Variants in SNX30 observed in about 807,000 individuals in gnomAD.
SNX30 encodes the protein sorting nexin family member 30, also known as sorting nexin-30.
SNX30 carries 24 observed loss-of-function variants against 46.4 expected under a neutral mutation model. The observed-to-expected ratio is 0.52, with a 90% CI of 0.37 to 0.73. The LOEUF is 0.73. Ranked by LOEUF, SNX30 falls within the 30% of genes least tolerant of loss-of-function variation. The pLI, the probability that SNX30 is intolerant of heterozygous loss-of-function variation, is 0.00. For missense variants in SNX30, 533 were observed against 555.7 expected (o/e 0.96, Z 0.41); for synonymous variants, 189 against 211.5 (o/e 0.89, Z 0.92).
intron 4 of SNX30, among the ~76,000 whole-genome samples, chr9:112,834,837 C>CACAA (rs1385086878): frequency 1.0e-5 from 1 of 99,888 alleles, no homozygotes; most frequent in Non-Finnish European, 2.0e-5. Context: ...AACACACACA[C>CACAA]ACACAAACAC....
At chr9:112,849,214 C>T (rs1037256746) in intron 6 of SNX30, among the ~76,000 whole-genome samples, 7 of 152,222 alleles carry the variant, frequency 4.6e-5, no homozygotes, top group African/African-American at 1.7e-4. Flanking sequence ...ACTGCTGTAT[C>T]AGACCAATAG....
chr9:112,826,433 T>C (rs1840580437), intron 3 of SNX30, among the ~76,000 whole-genome samples: 2 of 152,086 alleles, frequency 1.3e-5, no homozygotes, highest in Non-Finnish European at 2.9e-5. Flanking sequence ...AGATATAAGG[T>C]CAAGGGGTGG....
At position 112,832,789 on chromosome 9, in the gene SNX30, A is replaced by T. The variant is rs188941441; in HGVS notation, c.618+1906A>T. ...CTTAAAGTATAATAATAAAAAATTT[A>T]AAAAAAATTAGAAAAAATATATATT... On this transcript the variant is annotated intron_variant, in intron 4 of 8. Coordinates refer to ENST00000374232, the MANE Select transcript of SNX30 (RefSeq NM_001012994.2). Among the ~76,000 whole-genome samples, 909 of 147,216 alleles carry T rather than the reference A, an allele frequency of 6.2e-3. 9 individuals carry two copies. The highest frequency in any genetic ancestry group is 0.021 in the African/African-American group (853 of 40,570).
At chr9:112,859,658 C>G (rs1841196974) in intron 7 of SNX30, among the ~76,000 whole-genome samples, 2 of 152,146 alleles carry the variant, frequency 1.3e-5, no homozygotes. Context: ...GTCGCCCAGG[C>G]TAGAGTGCAG....
rs144851542 is a variant in SNX30, at chr9:112,755,165, G to A, written c.156+4008G>A. Among the ~76,000 whole-genome samples, 177 of 152,316 alleles carry A rather than the reference G, an allele frequency of 1.2e-3. 1 individual carries two copies. The highest frequency in any genetic ancestry group is 4.0e-3 in the African/African-American group (166 of 41,564). On this transcript the variant is annotated intron_variant, in intron 1 of 8. Coordinates refer to ENST00000374232, the MANE Select transcript of SNX30 (RefSeq NM_001012994.2). ...GTTTGTACTGTATTACACCATAAAT[G>A]CCATGGAAGGAGGAAAAAGGAGAAC...
At chr9:112,781,154 A>G (rs1839840121) in intron 1 of SNX30, among the ~76,000 whole-genome samples, 1 of 152,234 alleles carries the variant, frequency 6.6e-6, no homozygotes, top group Admixed American at 6.5e-5. Flanking sequence ...CTTTGCAATC[A>G]GAGGTAATCT....
At chr9:112,876,956 G>A (rs944282403), downstream of SNX30, among the ~76,000 whole-genome samples, 1 of 151,838 alleles carries the variant, frequency 6.6e-6, no homozygotes, top group South Asian at 2.1e-4. Flanking sequence ...AGGATGCAGG[G>A]AGACAAGGAG....
In SNX30 at chr9:112,870,355, G is replaced by A. The variant is rs1032463626; in HGVS notation, c.*1512G>A. ...AGTTCACCTGGAAATACTGGTCAGC[G>A]GGCAGCACGTCAAGGTCACTTAAGC... On this transcript the variant is annotated 3_prime_UTR_variant, in exon 9 of 9. Transcript: ENST00000374232. The A allele has an allele frequency of 2.0e-5, 3 of 152,182 alleles. No individual in the cohort carries two copies. The highest frequency in any genetic ancestry group is 4.8e-5 in the African/African-American group (2 of 41,434). 9.4% of individuals were successfully genotyped at this position (152,182 alleles called of 1,614,324 possible).
At position 112,863,868 on chromosome 9, in the gene SNX30, A is replaced by G. The variant is rs143258417; in HGVS notation, c.1102-379A>G. Reference sequence around the variant, plus strand: ...ATGGGACACAGGAGAATAGCAGGGCAATACAAATGCTGTATATTTGCAAAG... The same window carrying G: ...ATGGGACACAGGAGAATAGCAGGGCGATACAAATGCTGTATATTTGCAAAG... On this transcript the variant is annotated intron_variant, in intron 7 of 8. Transcript: ENST00000374232. Among the ~76,000 whole-genome samples, 159 of 152,356 alleles carry G rather than the reference A, an allele frequency of 1.0e-3. 1 individual carries two copies. The highest frequency in any genetic ancestry group is 3.3e-3 in the African/African-American group (139 of 41,590).
intron 8 of SNX30, chr9:112,866,361 A>G (rs1841343695): frequency 2.3e-6 from 1 of 443,006 alleles, no homozygotes; most frequent in South Asian, 1.7e-5. Flanking sequence ...AGGCTTGGAA[A>G]ACATATATTC....
At chr9:112,879,555 G>A (rs1295175588), downstream of SNX30, 1 of 537,462 alleles carries the variant, frequency 1.9e-6, no homozygotes, top group Admixed American at 3.0e-5. Context: ...TCTTAAAGCT[G>A]AGAACGTTTT....
At chr9:112,837,888 T>A (rs1840785760) in intron 5 of SNX30, among the ~76,000 whole-genome samples, 1 of 13,016 alleles carries the variant, frequency 7.7e-5, no homozygotes, top group Non-Finnish European at 1.2e-4. Flanking sequence ...GGTTCTTTTC[T>A]TTTTTTTTTT....
chr9:112,778,876 C>T (rs1839795182), intron 1 of SNX30, among the ~76,000 whole-genome samples: 1 of 106,820 alleles, frequency 9.4e-6, no homozygotes. Flanking sequence ...GGTACAGGGG[C>T]ATGATGAGAG....
chr9:112,865,569 A>G (rs1841311381), intron 8 of SNX30, among the ~76,000 whole-genome samples: 1 of 144,868 alleles, frequency 6.9e-6, no homozygotes, highest in Admixed American at 7.0e-5. Context: ...GTGAGTCATG[A>G]TTGTGCACTA....
intron 6 of SNX30, among the ~76,000 whole-genome samples, chr9:112,847,832 A>G (rs886395721): frequency 4.6e-5 from 7 of 152,148 alleles, no homozygotes; most frequent in African/African-American, 9.7e-5. Flanking sequence ...TGGGCACCCT[A>G]TGTATGATTT....
At chr9:112,818,485 C>T (rs1044170041) in intron 3 of SNX30, among the ~76,000 whole-genome samples, 1 of 152,234 alleles carries the variant, frequency 6.6e-6, no homozygotes, top group African/African-American at 2.4e-5. Context: ...CGACCTCAGC[C>T]TCCCAAAGTG....
intron 1 of SNX30, among the ~76,000 whole-genome samples, chr9:112,752,286 G>T (rs1215892843): frequency 6.6e-6 from 1 of 152,176 alleles, no homozygotes; most frequent in African/African-American, 2.4e-5. Context: ...AAAGCAGGGA[G>T]TGAAGTTCCA....
chr9:112,875,189 A>G (rs1841505329), downstream of SNX30: 1 of 152,092 alleles, frequency 6.6e-6, no homozygotes, highest in African/African-American at 2.4e-5. Context: ...CCCTCAATTT[A>G]CCCTCTTCTA....
Position 112,868,837 on chromosome 9 carries a change from CA to C in SNX30, c.1310del (p.Lys437SerfsTer58). 6.2e-7 allele frequency: 1 copy of C among 1,614,128 alleles called. No individual in the cohort carries two copies. The highest frequency in any genetic ancestry group is 8.5e-7 in the Non-Finnish European group (1 of 1,179,984). ...IPLLQEKQEA[K>X] ...CACTACTGCAGGAGAAACAAGAGGC[CA>C]AGTAAAGTTCTTTCTTGGGACGGAG... is the stretch of plus-strand genomic sequence containing the variant. On this transcript the variant is annotated frameshift_variant, in exon 9 of 9. Coordinates refer to ENST00000374232, the MANE Select transcript of SNX30 (RefSeq NM_001012994.2). LOFTEE classifies it high-confidence loss of function.
Sources: gnomAD v4.1 joint callset for allele counts (sites outside exome capture counted in the v4.1 genomes callset) on GRCh38, gnomAD v4.1.1 for gene constraint, MANE v1.5 for transcripts, NCBI Gene and HGNC (gene_info 2026-07-23, HGNC 2026-07-21) for gene names.